The following SUPT3H variants were observed in gnomAD, a reference collection of about 807,000 sequenced individuals.
The protein encoded by SUPT3H is transcription initiation protein SPT3 homolog.
Under a neutral mutation model 44.3 loss-of-function variants are expected in SUPT3H, and 44 were observed. That is an observed-to-expected ratio of 0.99 (90% CI 0.78 to 1.28). The LOEUF (loss-of-function observed/expected upper bound fraction) is 1.28, where lower values mean the gene tolerates loss of function less well. Among genes scored for constraint, SUPT3H ranks in the 50% most tolerant of loss-of-function variants. The pLI is 0.00. For missense variants in SUPT3H, 380 were observed against 387.1 expected, an observed-to-expected ratio of 0.98 and a Z score of 0.15; for synonymous variants, 124 against 125.6, an observed-to-expected ratio of 0.99 and a Z score of 0.09.
intron 2 of SUPT3H, among the ~76,000 whole-genome samples, chr6:45,262,172 G>A (rs1023217033): frequency 6.6e-6 from 1 of 152,112 alleles, no homozygotes; most frequent in African/African-American, 2.4e-5. Flanking sequence ...CAGATTCAAT[G>A]CTATTCCTAT....
intron 2 of SUPT3H, among the ~76,000 whole-genome samples, chr6:45,248,570 A>G (rs2153651239): frequency 6.6e-6 from 1 of 152,328 alleles, no homozygotes; most frequent in Admixed American, 6.5e-5. Context: ...GCTAAATCAA[A>G]AAAAGAGAAA....
At chr6:44,939,932 G>T (rs549977424) in intron 9 of SUPT3H, among the ~76,000 whole-genome samples, 2 of 151,842 alleles carry the variant, frequency 1.3e-5, no homozygotes, top group South Asian at 4.2e-4. Flanking sequence ...TGTTTATTTG[G>T]ATCCTCTCTC....
In SUPT3H at chr6:45,076,020, C is replaced by T. The variant is rs542847774; in HGVS notation, c.186+29902G>A. Among the ~76,000 whole-genome samples, 4 of 152,164 alleles carry T rather than the reference C, an allele frequency of 2.6e-5. No homozygotes were observed. In the South Asian group the frequency reaches 8.3e-4, roughly 32 times the overall value. ...TACATGTTTAGCTGGCAAGTTTCTACATTTATTAACCTCATAATTTTAAAT... is the reference window on the plus strand; with the variant it reads ...TACATGTTTAGCTGGCAAGTTTCTATATTTATTAACCTCATAATTTTAAAT... On this transcript the variant is annotated intron_variant, in intron 3 of 10. Coordinates refer to ENST00000371459, the MANE Select transcript of SUPT3H (RefSeq NM_003599.4).
intron 3 of SUPT3H, among the ~76,000 whole-genome samples, chr6:45,103,521 A>G (rs1798875803): frequency 6.6e-6 from 1 of 152,194 alleles, no homozygotes; most frequent in African/African-American, 2.4e-5. Flanking sequence ...TATGGGCTAC[A>G]CTGAAAAAAA....
chr6:45,240,707 G>A (rs1462322806), intron 2 of SUPT3H, among the ~76,000 whole-genome samples: 2 of 152,054 alleles, frequency 1.3e-5, no homozygotes, highest in Non-Finnish European at 2.9e-5. Flanking sequence ...ATGTTCAGCT[G>A]GTCCAAACAA....
rs147407455 is a variant in SUPT3H, at chr6:45,093,721, C to T, written c.186+12201G>A. 5.0e-3 allele frequency among the ~76,000 whole-genome samples: 764 copies of T among 152,146 alleles called. 29 individuals carry two copies. The highest frequency in any genetic ancestry group is 4.6e-3 in the East Asian group (24 of 5,188). On this transcript the variant is annotated intron_variant, in intron 3 of 10. Transcript: ENST00000371459. ...GTTACTCTTCACAGATATGTTTATT[C>T]TTCATTACTTTTTATAATTCAAGAT...
intron 10 of SUPT3H, among the ~76,000 whole-genome samples, chr6:44,888,293 C>T (rs1261524480): frequency 2.6e-5 from 4 of 152,112 alleles, no homozygotes; most frequent in Non-Finnish European, 5.9e-5. Flanking sequence ...GATACCAAAG[C>T]CGGGCAGAGA....
At chr6:45,204,402 T>C (rs1420403721) in intron 2 of SUPT3H, among the ~76,000 whole-genome samples, 2 of 151,994 alleles carry the variant, frequency 1.3e-5, no homozygotes, top group Non-Finnish European at 2.9e-5. Flanking sequence ...ATGCAGAAGA[T>C]ACACAGGTTA....
rs949957642 is a variant in SUPT3H at position 45,021,400 on chromosome 6, G to C, written c.187-768C>G. Among the ~76,000 whole-genome samples, 3 of 151,654 alleles carry C rather than the reference G, an allele frequency of 2.0e-5. No homozygotes were observed. In the South Asian group the frequency reaches 6.2e-4, roughly 31 times the overall value. ...AAAGAATGTGAAAAATGATAGTTCCGTTTTTTGGCACAGGCAAACTCAATT... is the reference window on the plus strand; with the variant it reads ...AAAGAATGTGAAAAATGATAGTTCCCTTTTTTGGCACAGGCAAACTCAATT... On this transcript the variant is annotated intron_variant, in intron 3 of 10. Transcript: ENST00000371459.
chr6:45,190,958 G>A (rs1000878147), intron 2 of SUPT3H, among the ~76,000 whole-genome samples: 4 of 152,064 alleles, frequency 2.6e-5, no homozygotes, highest in African/African-American at 9.7e-5. Flanking sequence ...CTCATTCACT[G>A]CTGGTGGGAA....
chr6:44,823,542 G>A (rs1767510633), downstream of SUPT3H, among the ~76,000 whole-genome samples: 1 of 152,192 alleles, frequency 6.6e-6, no homozygotes, highest in South Asian at 2.1e-4. Flanking sequence ...ATTGTCACAG[G>A]AACACAGCAA....
chr6:45,298,211 C>T (rs952803977), intron 2 of SUPT3H, among the ~76,000 whole-genome samples: 2 of 151,982 alleles, frequency 1.3e-5, no homozygotes, highest in South Asian at 2.1e-4. Context: ...GACCAAAGAA[C>T]GAATAGGAAC....
intron 11 of SUPT3H, among the ~76,000 whole-genome samples, chr6:44,817,426 G>T (rs1168677068): frequency 6.6e-6 from 1 of 152,054 alleles, no homozygotes; most frequent in Non-Finnish European, 1.5e-5. Flanking sequence ...AAAAGGACAG[G>T]ATGTCCATTT....
chr6:45,062,608 C>T (rs1480817997), intron 3 of SUPT3H, among the ~76,000 whole-genome samples: 1 of 152,134 alleles, frequency 6.6e-6, no homozygotes, highest in Non-Finnish European at 1.5e-5. Flanking sequence ...GTGCGCGCAC[C>T]ATGCGCAAGC....
chr6:45,304,854 T>C (rs1782739196), intron 2 of SUPT3H, among the ~76,000 whole-genome samples: 1 of 152,162 alleles, frequency 6.6e-6, no homozygotes, highest in Admixed American at 6.5e-5. Context: ...ATAATGTACT[T>C]AAAATGAAAA....
At chr6:45,347,899 A>C (rs1791215194) in intron 2 of SUPT3H, among the ~76,000 whole-genome samples, 1 of 152,162 alleles carries the variant, frequency 6.6e-6, no homozygotes, top group Non-Finnish European at 1.5e-5. Context: ...GAATGTCAGT[A>C]TGGTTACCTG....
At chr6:45,231,444 T>C (rs1266011648) in intron 2 of SUPT3H, among the ~76,000 whole-genome samples, 1 of 152,238 alleles carries the variant, frequency 6.6e-6, no homozygotes, top group African/African-American at 2.4e-5. Context: ...CTGTAAGGTT[T>C]CTACTGAGAA....
chr6:45,077,977 G>C (rs569770972), intron 3 of SUPT3H, among the ~76,000 whole-genome samples: 5 of 152,232 alleles, frequency 3.3e-5, no homozygotes, highest in East Asian at 3.9e-4. Flanking sequence ...GACTGGTTGG[G>C]GGGGTGGGGG....
intron 2 of SUPT3H, among the ~76,000 whole-genome samples, chr6:45,307,982 T>A (rs1194548163): frequency 2.0e-5 from 3 of 152,212 alleles, no homozygotes; most frequent in East Asian, 3.8e-4. Context: ...AGTAGCCGAT[T>A]TGATCAACTG....
Sources: allele counts gnomAD v4.1 joint callset (sites outside exome capture counted in the v4.1 genomes callset), GRCh38; gene constraint gnomAD v4.1.1; transcripts MANE v1.5; gene names NCBI Gene and HGNC (gene_info 2026-07-23, HGNC 2026-07-21).